The following RAP1GAP2 variants were observed in gnomAD, a reference collection of about 807,000 sequenced individuals.
RAP1GAP2 encodes the protein rap1 GTPase-activating protein 2.
RAP1GAP2 carries 27 observed loss-of-function variants against 95.0 expected under a neutral mutation model. The ratio of observed to expected loss-of-function variants is 0.28; its 90% CI spans 0.21 to 0.39. The LOEUF is 0.39. Ranked by LOEUF, RAP1GAP2 falls within the 10% of genes least tolerant of loss-of-function variation. The pLI, the probability that RAP1GAP2 is intolerant of heterozygous loss-of-function variation, is 1.00. For missense variants in RAP1GAP2, 771 were observed against 970.0 expected (o/e 0.79, Z 2.72); for synonymous variants, 373 against 380.9 (o/e 0.98, Z 0.24).
intron 2 of RAP1GAP2, among the ~76,000 whole-genome samples, chr17:2,892,872 G>T (rs893002769): frequency 6.6e-6 from 1 of 152,122 alleles, no homozygotes; most frequent in South Asian, 2.1e-4. Flanking sequence ...CCAGCTGCCA[G>T]CTCCCCTCCC....
chr17:2,932,056 G>A (rs1199198093), intron 3 of RAP1GAP2, among the ~76,000 whole-genome samples: 1 of 152,202 alleles, frequency 6.6e-6, no homozygotes, highest in African/African-American at 2.4e-5. Flanking sequence ...CACTAGGCCA[G>A]GGACGGCTCC....
chr17:2,907,850 G>A (rs555242480), intron 3 of RAP1GAP2, among the ~76,000 whole-genome samples: 5 of 152,132 alleles, frequency 3.3e-5, no homozygotes, highest in East Asian at 3.9e-4. Flanking sequence ...CTCTGTCGCC[G>A]AGCCAGAGTG....
At chr17:2,941,267 T>C (rs1308040490) in intron 3 of RAP1GAP2, among the ~76,000 whole-genome samples, 1 of 152,086 alleles carries the variant, frequency 6.6e-6, no homozygotes, top group Admixed American at 6.5e-5. Context: ...CTGGGCATGG[T>C]GGCACGTGCT....
intron 2 of RAP1GAP2, among the ~76,000 whole-genome samples, chr17:2,884,773 T>C (rs536521982): frequency 1.8e-4 from 27 of 152,316 alleles, no homozygotes; most frequent in African/African-American, 6.5e-4. Flanking sequence ...CTCATCTATA[T>C]ATAAGATGAA....
At chr17:3,019,485 G>C (rs189115370) in intron 18 of RAP1GAP2, among the ~76,000 whole-genome samples, 7 of 152,168 alleles carry the variant, frequency 4.6e-5, no homozygotes, top group African/African-American at 1.4e-4. Context: ...CTGCACTCCA[G>C]CCTGGATGTC....
chr17:2,920,259 T>A (rs1345452223), intron 3 of RAP1GAP2, among the ~76,000 whole-genome samples: 1 of 152,194 alleles, frequency 6.6e-6, no homozygotes, highest in Non-Finnish European at 1.5e-5. Flanking sequence ...CGTGCTCTCC[T>A]CCTCTTTCTG....
chr17:2,869,543 C>T (rs959447270), intron 2 of RAP1GAP2, among the ~76,000 whole-genome samples: 21 of 152,206 alleles, frequency 1.4e-4, no homozygotes, highest in African/African-American at 4.6e-4. Flanking sequence ...TGGTTCTCGC[C>T]TGGTCTCTGT....
chr17:2,893,655 C>T (rs1490111720), intron 2 of RAP1GAP2, among the ~76,000 whole-genome samples: 1 of 152,266 alleles, frequency 6.6e-6, no homozygotes, highest in Non-Finnish European at 1.5e-5. Context: ...GTTTCTGAAG[C>T]TGCCGGAGGC....
At chr17:2,943,338 C>T (rs1280068461) in intron 3 of RAP1GAP2, among the ~76,000 whole-genome samples, 1 of 152,166 alleles carries the variant, frequency 6.6e-6, no homozygotes, top group East Asian at 1.9e-4. Flanking sequence ...GTATAAGGAA[C>T]TCCTACAGCT....
chr17:2,785,599 T>C lies in RAP1GAP2; in HGVS notation c.-14+8321T>C, dbSNP rs142774398. 2.0e-5 allele frequency among the ~76,000 whole-genome samples: 3 copies of C among 152,328 alleles called. No individual in the cohort carries two copies. The East Asian group carries it at 5.8e-4, about 29-fold the overall frequency. ...CTGATGCATGTAGCTCCCAGTCACATTTCCCACGCTTGCTTGATGTATCAC... is the reference window on the plus strand; with the variant it reads ...CTGATGCATGTAGCTCCCAGTCACACTTCCCACGCTTGCTTGATGTATCAC... On this transcript the variant is annotated intron_variant, in intron 1 of 24. Transcript: ENST00000540393.
chr17:3,037,633 T>C lies in RAP1GAP2; in HGVS notation c.*4272T>C, dbSNP rs969601086. The C allele has an allele frequency of 3.3e-5, 5 of 152,582 alleles. No homozygotes were observed. The highest frequency in any genetic ancestry group is 1.5e-5 in the Non-Finnish European group (1 of 68,026). 9.5% of individuals were successfully genotyped at this position (152,582 alleles called of 1,614,324 possible). On this transcript the variant is annotated 3_prime_UTR_variant, in exon 25 of 25. Transcript: ENST00000254695. ...TTTAATTTATTGCTATGGTAGCACA[T>C]TGTATTTGTTAATGTACAAAACAAA...
At chr17:2,929,604 C>T (rs576669346) in intron 3 of RAP1GAP2, among the ~76,000 whole-genome samples, 1 of 152,252 alleles carries the variant, frequency 6.6e-6, no homozygotes, top group East Asian at 1.9e-4. Context: ...GACTGTTTTC[C>T]CTGCATGTGC....
chr17:2,813,479 C>T (rs2069862860), intron 2 of RAP1GAP2, among the ~76,000 whole-genome samples: 1 of 151,978 alleles, frequency 6.6e-6, no homozygotes, highest in Admixed American at 6.6e-5. Flanking sequence ...TGGGCAATGA[C>T]TCAGGTCAGG....
intron 11 of RAP1GAP2, among the ~76,000 whole-genome samples, chr17:2,986,462 A>G (rs2045561585): frequency 6.6e-6 from 1 of 152,144 alleles, no homozygotes; most frequent in African/African-American, 2.4e-5. Flanking sequence ...ACTGAACATG[A>G]GCCATCCGTC....
At chr17:2,892,527 A>G (rs577453654) in intron 2 of RAP1GAP2, among the ~76,000 whole-genome samples, 1 of 152,090 alleles carries the variant, frequency 6.6e-6, no homozygotes, top group Non-Finnish European at 1.5e-5. Context: ...CTGTGTTCTC[A>G]TAGCATCTAC....
chr17:2,815,824 C>G (rs1191783669), intron 2 of RAP1GAP2, among the ~76,000 whole-genome samples: 1 of 152,236 alleles, frequency 6.6e-6, no homozygotes, highest in African/African-American at 2.4e-5. Context: ...TGCGGTCACA[C>G]ACGTGTAACT....
chr17:2,920,162 G>A lies in RAP1GAP2; in HGVS notation c.165+14794G>A, dbSNP rs61662031. Among the ~76,000 whole-genome samples, 625 of 152,192 alleles carry A rather than the reference G, an allele frequency of 4.1e-3. 4 individuals are homozygous for A. The highest frequency in any genetic ancestry group is 0.014 in the African/African-American group (593 of 41,528). On this transcript the variant is annotated intron_variant, in intron 3 of 24. Transcript: ENST00000254695. ...TGGGACCACAGGTGTGCACCACCAC[G>A]CCCTGCTAGGCTTAAAAAAAATTTT...
chr17:2,767,922 C>T (rs1029716558), intron 1 of RAP1GAP2, among the ~76,000 whole-genome samples: 3 of 152,048 alleles, frequency 2.0e-5, no homozygotes, highest in Admixed American at 6.6e-5. Flanking sequence ...TTTTAGCAAA[C>T]GAGGTTTCAC....
chr17:2,794,111 A>G (rs2069003413), upstream of RAP1GAP2, among the ~76,000 whole-genome samples: 2 of 148,812 alleles, frequency 1.3e-5, no homozygotes, highest in Non-Finnish European at 1.5e-5. Context: ...AAAAAAAGAC[A>G]TGATCTTTCT....
Sources: allele counts gnomAD v4.1 joint callset (sites outside exome capture counted in the v4.1 genomes callset), GRCh38; gene constraint gnomAD v4.1.1; transcripts MANE v1.5; gene names NCBI Gene and HGNC (gene_info 2026-07-23, HGNC 2026-07-21).